The following SYT9 variants were observed in gnomAD, a reference collection of about 807,000 sequenced individuals.
SYT9 encodes synaptotagmin 9, also known as synaptotagmin-9.
A neutral mutation model predicts 48.4 loss-of-function variants in SYT9; 22 were observed. The observed-to-expected ratio is 0.45, with a 90% confidence interval of 0.32 to 0.65. The LOEUF is 0.65. Among genes scored for constraint, SYT9 ranks in the 30% least tolerant of loss-of-function variants. SYT9 has a pLI of 0.03. For synonymous variants in SYT9, 265 were observed against 245.0 expected, an observed-to-expected ratio of 1.08 and a Z score of -0.76; for missense variants, 577 against 622.0, an observed-to-expected ratio of 0.93 and a Z score of 0.77.
intron 1 of SYT9, among the ~76,000 whole-genome samples, chr11:7,273,281 T>C (rs141163596): frequency 8.6e-4 from 131 of 152,298 alleles, no homozygotes; most frequent in African/African-American, 3.0e-3. Flanking sequence ...AAATCTTATT[T>C]TGAAATTTGA....
chr11:7,282,308 C>G (rs1019482491), intron 1 of SYT9, among the ~76,000 whole-genome samples: 5 of 152,032 alleles, frequency 3.3e-5, no homozygotes, highest in African/African-American at 1.2e-4. Flanking sequence ...AATGCCAAAC[C>G]CATTTCAGAA....
chr11:7,420,764 C>T, intron 6 of SYT9, 129 bp downstream of exon 6: 1 of 1,189,584 alleles, frequency 8.4e-7, no homozygotes, highest in South Asian at 1.6e-5. Flanking sequence ...GTTGCATTTC[C>T]TGGGGCTGTT....
chr11:7,267,892 TAAGA>T (rs1172483610), intron 1 of SYT9, among the ~76,000 whole-genome samples: 2 of 151,622 alleles, frequency 1.3e-5, no homozygotes, highest in African/African-American at 4.8e-5. Flanking sequence ...GCAAAAAGAA[TAAGA>T]AAGAGGATTT....
At chr11:7,285,187 G>A (rs1848574306) in intron 1 of SYT9, among the ~76,000 whole-genome samples, 1 of 152,130 alleles carries the variant, frequency 6.6e-6, no homozygotes, top group Non-Finnish European at 1.5e-5. Context: ...CTGTTCTCAT[G>A]CTGCTGTGAA....
intron 3 of SYT9, among the ~76,000 whole-genome samples, chr11:7,318,945 G>A (rs1319650907): frequency 6.6e-6 from 1 of 152,082 alleles, no homozygotes; most frequent in Admixed American, 6.5e-5. Flanking sequence ...TACTGTCCTT[G>A]TCTGGCTTGG....
At chr11:7,289,280 C>A (rs1274306091) in intron 1 of SYT9, among the ~76,000 whole-genome samples, 1 of 152,080 alleles carries the variant, frequency 6.6e-6, no homozygotes, top group African/African-American at 2.4e-5. Flanking sequence ...CTTGGTTTAT[C>A]ATAGAAACAG....
At chr11:7,351,040 G>A (rs1027837676) in intron 3 of SYT9, among the ~76,000 whole-genome samples, 2 of 152,122 alleles carry the variant, frequency 1.3e-5, no homozygotes, top group African/African-American at 4.8e-5. Flanking sequence ...CTTAAAAAAA[G>A]TCAAGATCAA....
In SYT9 at chr11:7,269,217, G is replaced by T. The variant is rs141016588; in HGVS notation, c.145+16886G>T. ...AAAGACAGCATTTCAAATCAGTTGG[G>T]GGGGTGGGAAATGGGCTATTCAGCA... On this transcript the variant is annotated intron_variant, in intron 1 of 6. Transcript: ENST00000318881. Among the ~76,000 whole-genome samples, 12 of 152,074 alleles carry T rather than the reference G, an allele frequency of 7.9e-5. No individual in the cohort carries two copies. The South Asian group carries it at 8.3e-4, about 11-fold the overall frequency.
intron 6 of SYT9, among the ~76,000 whole-genome samples, chr11:7,447,769 T>G (rs932431173): frequency 2.0e-5 from 3 of 152,228 alleles, no homozygotes; most frequent in African/African-American, 4.8e-5. Flanking sequence ...CTGAATCAAC[T>G]ATGAGTTCCC....
At chr11:7,461,976 T>C (rs890815115) in intron 6 of SYT9, among the ~76,000 whole-genome samples, 1 of 152,224 alleles carries the variant, frequency 6.6e-6, no homozygotes, top group Non-Finnish European at 1.5e-5. Context: ...CCACGCACCA[T>C]TTGCCACCTT....
Position 7,468,186 on chromosome 11 carries a change from C to T in SYT9, c.*1386C>T. On this transcript the variant is annotated 3_prime_UTR_variant, in exon 7 of 7. Transcript: ENST00000318881. ...GAATCCAGAGTTGGATTGTAGTTTA[C>T]CTTCCTGGAAAGCTCATTATCTCTG... 1 of 398,428 alleles carries T rather than the reference C, an allele frequency of 2.5e-6. No homozygotes were observed. Among genetic ancestry groups the T allele is most frequent in the Non-Finnish European group, 4.4e-6 (1 of 225,916 alleles). 24.7% of individuals were successfully genotyped at this position (398,428 alleles called of 1,614,324 possible). A position where few individuals can be genotyped will look rare whatever the true frequency, so the allele number is the denominator to read the frequency against.
At chr11:7,274,199 TC>T (rs1225483198) in intron 1 of SYT9, among the ~76,000 whole-genome samples, 1 of 152,226 alleles carries the variant, frequency 6.6e-6, no homozygotes, top group Non-Finnish European at 1.5e-5. Context: ...ACTTTTCTTT[TC>T]CTTCCAGTGG....
At chr11:7,422,907 G>A (rs1481298433) in intron 6 of SYT9, among the ~76,000 whole-genome samples, 1 of 152,222 alleles carries the variant, frequency 6.6e-6, no homozygotes, top group African/African-American at 2.4e-5. Context: ...TCATTCACCT[G>A]AGAGATATTC....
chr11:7,463,653 T>C (rs1848272951), intron 6 of SYT9, among the ~76,000 whole-genome samples: 1 of 152,180 alleles, frequency 6.6e-6, no homozygotes, highest in Non-Finnish European at 1.5e-5. Context: ...ACCAGATGTA[T>C]TGAAACTCCT....
At chr11:7,432,547 CAAAAAAAAAAAAAAAAAA>C (rs67650978) in intron 6 of SYT9, among the ~76,000 whole-genome samples, 25 of 16,940 alleles carry the variant, frequency 1.5e-3, no homozygotes, top group Middle Eastern at 0.028. Context: ...GACTCCATCT[CAAAAAAAAAAAAAAAAAA>C]AAAAAAAAAA....
chr11:7,313,102 T>C (rs1849170453), intron 2 of SYT9, among the ~76,000 whole-genome samples: 1 of 152,234 alleles, frequency 6.6e-6, no homozygotes, highest in South Asian at 2.1e-4. Flanking sequence ...AATAAGCTTC[T>C]TTAATGGCAT....
intron 3 of SYT9, among the ~76,000 whole-genome samples, chr11:7,319,102 C>T (rs1849291037): frequency 6.6e-6 from 1 of 150,798 alleles, no homozygotes; most frequent in South Asian, 2.1e-4. Context: ...TCTGACTTCT[C>T]CTTAGGTTCA....
intron 2 of SYT9, among the ~76,000 whole-genome samples, chr11:7,303,893 A>G (rs1458869279): frequency 6.6e-6 from 1 of 152,140 alleles, no homozygotes; most frequent in East Asian, 1.9e-4. Context: ...GGCTCTCTTC[A>G]GACTCCGCCG....
intron 3 of SYT9, among the ~76,000 whole-genome samples, chr11:7,342,325 A>C (rs1006746148): frequency 6.6e-6 from 1 of 152,210 alleles, no homozygotes; most frequent in Non-Finnish European, 1.5e-5. Flanking sequence ...TGAGCCTGTA[A>C]AATCAAAAGC....
Sources: allele counts gnomAD v4.1 joint callset (sites outside exome capture counted in the v4.1 genomes callset), GRCh38; gene constraint gnomAD v4.1.1; transcripts MANE v1.5; gene names NCBI Gene and HGNC (gene_info 2026-07-23, HGNC 2026-07-21).